Variants in ING4 observed in about 807,000 individuals in gnomAD.
ING4 encodes inhibitor of growth protein 4.
Under a neutral mutation model 33.1 loss-of-function variants are expected in ING4, and 28 were observed. That is an observed-to-expected ratio of 0.85 (90% CI 0.63 to 1.16). The LOEUF is 1.16. ING4 is among the 50% of genes most tolerant of loss of function. The probability of loss-of-function intolerance (pLI) is 0.00; values close to 1 mark genes in which losing one functional copy is unlikely to be tolerated. For synonymous variants in ING4, 87 were observed against 104.4 expected (o/e 0.83, Z 1.02); for missense variants, 247 against 314.7 (o/e 0.78, Z 1.63).
chr12:6,650,884 A>C lies in ING4; in HGVS notation c.*311T>G. On this transcript the variant is annotated 3_prime_UTR_variant, in exon 8 of 8. Transcript: ENST00000341550. ...AGTCCTTAAATACAAAGCAAGGAGAATGAAAAGGACCCTCCCTCTGAAATA... is the reference window on the plus strand; with the variant it reads ...AGTCCTTAAATACAAAGCAAGGAGACTGAAAAGGACCCTCCCTCTGAAATA... 1 of 445,320 alleles carries C rather than the reference A, an allele frequency of 2.2e-6. No individual in the cohort carries two copies. Among genetic ancestry groups the C allele is most frequent in the Non-Finnish European group, 4.1e-6 (1 of 241,508 alleles). 27.6% of individuals were successfully genotyped at this position (445,320 alleles called of 1,614,324 possible). A position where few individuals can be genotyped will look rare whatever the true frequency, so the allele number is the denominator to read the frequency against.
Position 6,652,295 on chromosome 12 carries a change from CT to C in ING4, c.620del (p.Glu207GlyfsTer2). ...CATCAGGGTTGTCACAGCCAATCAT[CT>C]CTCCATAGGAGACCTGGTGACAAAG... is the stretch of plus-strand genomic sequence containing the variant. ...YCLCHQVSYG[E>X]MIGCDNPDCS... On this transcript the variant is annotated frameshift_variant, in exon 6 of 8. Coordinates refer to ENST00000341550, the MANE Select transcript of ING4 (RefSeq NM_016162.4). LOFTEE classifies it high-confidence loss of function. 1 of 1,613,832 alleles carries C rather than the reference CT, an allele frequency of 6.2e-7. No homozygotes were observed. Among genetic ancestry groups the C allele is most frequent in the South Asian group, 1.1e-5 (1 of 91,042 alleles).
Position 6,651,099 on chromosome 12 carries a change from C to T in ING4, c.*96G>A, listed in dbSNP as rs1375457466. On this transcript the variant is annotated 3_prime_UTR_variant, in exon 8 of 8. Coordinates refer to ENST00000341550, the MANE Select transcript of ING4 (RefSeq NM_016162.4). ...GATGACAGCACTGTGCCATCCACTCCTCCCTGAACCCCTGGCCCCAGCACA... is the reference window on the plus strand; with the variant it reads ...GATGACAGCACTGTGCCATCCACTCTTCCCTGAACCCCTGGCCCCAGCACA... 1 of 1,375,010 alleles carries T rather than the reference C, an allele frequency of 7.3e-7. No homozygotes were observed. The highest frequency in any genetic ancestry group is 1.0e-6 in the Non-Finnish European group (1 of 968,590). The allele number at this position is 1,375,010 out of a possible 1,614,324, so 85.2% of individuals were successfully genotyped here. A position where few individuals can be genotyped will look rare whatever the true frequency, so the allele number is the denominator to read the frequency against.
At chr12:6,656,089 G>C (rs1190068292) in intron 2 of ING4, among the ~76,000 whole-genome samples, 1 of 152,080 alleles carries the variant, frequency 6.6e-6, no homozygotes. Flanking sequence ...AACAATGAGA[G>C]AAGTAGAAAC....
rs936656678 is a variant in ING4 at position 6,653,508 on chromosome 12, A to G, written c.110-112T>C. 6.7e-5 allele frequency: 69 copies of G among 1,031,318 alleles called. 2 individuals are homozygous for G. The Admixed American group carries it at 1.8e-3, about 26-fold the overall frequency. The allele number at this position is 1,031,318 out of a possible 1,614,324, so 63.9% of individuals were successfully genotyped here. A position where few individuals can be genotyped will look rare whatever the true frequency, so the allele number is the denominator to read the frequency against. On this transcript the variant is annotated intron_variant, in intron 2 of 7. Transcript: ENST00000341550. ...CATTGATTAGCATAACCTTCCAACT[A>G]AAAAGTACTGAATGTTCAGAGGTAC...
intron 1 of ING4, among the ~76,000 whole-genome samples, chr12:6,660,920 G>T (rs574988944): frequency 6.6e-6 from 1 of 151,878 alleles, no homozygotes; most frequent in East Asian, 1.9e-4. Context: ...AGCCTCCCAA[G>T]TAGCTGGGAT....
intron 2 of ING4, among the ~76,000 whole-genome samples, chr12:6,654,822 T>G (rs1949302646): frequency 6.6e-6 from 1 of 152,066 alleles, no homozygotes; most frequent in African/African-American, 2.4e-5. Flanking sequence ...CCTCGTGGGT[T>G]CAAGGGATTC....
chr12:6,654,906 G>A (rs1949305946), intron 2 of ING4, among the ~76,000 whole-genome samples: 1 of 151,972 alleles, frequency 6.6e-6, no homozygotes, highest in Non-Finnish European at 1.5e-5. Flanking sequence ...TGCATTTTTA[G>A]TAGAGATGTG....
chr12:6,651,496 A>C (rs1438063918), intron 6 of ING4, 111 bp from the exon 7 acceptor site: 4 of 902,162 alleles, frequency 4.4e-6, no homozygotes, highest in Non-Finnish European at 7.0e-6. Context: ...CCTTTTGGAG[A>C]ATTCTTGGAA....
At chr12:6,652,590 G>A (rs1315741456) in intron 5 of ING4, 72 bp downstream of exon 5, 10 of 1,433,692 alleles carry the variant, frequency 7.0e-6, no homozygotes, top group African/African-American at 1.4e-5. Context: ...GGCAGGGGGC[G>A]GTGCAGGCTG....
chr12:6,651,020 T>A lies in ING4; in HGVS notation c.*175A>T. ...CGTTAGTGGCTGCGGCACCCCTCCC[T>A]ACCAGGGTCTGATGCAGCCTCAGCA... On this transcript the variant is annotated 3_prime_UTR_variant, in exon 8 of 8. Coordinates refer to ENST00000341550, the MANE Select transcript of ING4 (RefSeq NM_016162.4). The A allele has an allele frequency of 2.8e-6, 2 of 708,960 alleles. No homozygotes were observed. Among genetic ancestry groups the A allele is most frequent in the Non-Finnish European group, 4.9e-6 (2 of 411,432 alleles). The allele number at this position is 708,960 out of a possible 1,614,324, so 43.9% of individuals were successfully genotyped here. A position where few individuals can be genotyped will look rare whatever the true frequency, so the allele number is the denominator to read the frequency against.
At chr12:6,655,998 G>A (rs1949340465) in intron 2 of ING4, 2 of 445,898 alleles carry the variant, frequency 4.5e-6, no homozygotes, top group Non-Finnish European at 4.5e-6. Context: ...TCTTTTTAAG[G>A]ACTTCTCATA....
Position 6,652,761 on chromosome 12 carries a change from G to A in ING4, c.398C>T (p.Thr133Ile). ...ACGAGCAGCTTTCTTCTCCTTTTGA[G>A]TCCGGCCTTCTAGGGAAGAGGGAGA... ...SSSSKGKKSRTQKEKKAARAR... is the reference protein window; with the variant it reads ...SSSSKGKKSRIQKEKKAARAR... The change falls in exon 5 of 8, where the codon ACT (threonine) becomes ATT (isoleucine). Residue 133 changes from threonine (T) to isoleucine (I), a missense_variant. Around this residue, in one of 3 missense-constraint regions of ING4, gnomAD observed 198 missense variants for 221.2 expected, o/e 0.89. Transcript: ENST00000341550. 1 of 1,614,088 alleles carries A rather than the reference G, an allele frequency of 6.2e-7. No individual in the cohort carries two copies. The highest frequency in any genetic ancestry group is 8.5e-7 in the Non-Finnish European group (1 of 1,180,002).
At chr12:6,654,524 A>G (rs971834591) in intron 2 of ING4, among the ~76,000 whole-genome samples, 2 of 151,686 alleles carry the variant, frequency 1.3e-5, no homozygotes, top group African/African-American at 4.8e-5. Context: ...TTATTTCTAG[A>G]GATGAGGTCT....
At chr12:6,661,948 A>G (rs1949568315) in intron 1 of ING4, among the ~76,000 whole-genome samples, 1 of 152,184 alleles carries the variant, frequency 6.6e-6, no homozygotes, top group Admixed American at 6.5e-5. Context: ...TTCCTCTATA[A>G]AAATCATACT....
intron 1 of ING4, among the ~76,000 whole-genome samples, chr12:6,658,988 CCT>C (rs1949460429): frequency 6.6e-6 from 1 of 152,196 alleles, no homozygotes; most frequent in Non-Finnish European, 1.5e-5. Flanking sequence ...CCACCCCATC[CCT>C]CTTGGCCTAT....
chr12:6,654,560 A>G (rs1949291882), intron 2 of ING4, among the ~76,000 whole-genome samples: 1 of 151,856 alleles, frequency 6.6e-6, no homozygotes, highest in Non-Finnish European at 1.5e-5. Context: ...GCTGGTCTTG[A>G]ACTCCTGGTC....
In ING4 at chr12:6,651,398, G is replaced by A. The variant is rs1949174257; in HGVS notation, c.646-13C>T. On this transcript the variant is annotated splice_polypyrimidine_tract_variant and intron_variant, in intron 6 of 7. Transcript: ENST00000341550. ...ACTCAATGGAACACTGGAAGAGGAA[G>A]AAAGAAGTAGTCAGGGGCCAGGAAG... 1 of 1,613,106 alleles carries A rather than the reference G, an allele frequency of 6.2e-7. No homozygotes were observed. Among genetic ancestry groups the A allele is most frequent in the African/African-American group, 1.3e-5 (1 of 75,012 alleles).
chr12:6,662,893 T>C (rs559815945), intron 1 of ING4, among the ~76,000 whole-genome samples, 172 bp downstream of exon 1: 1 of 152,142 alleles, frequency 6.6e-6, no homozygotes, highest in East Asian at 1.9e-4. Flanking sequence ...CAGCGGGGCC[T>C]CGATCCTGCT....
intron 1 of ING4, among the ~76,000 whole-genome samples, chr12:6,662,294 C>CTT (rs1328564355): frequency 2.0e-5 from 3 of 152,118 alleles, no homozygotes; most frequent in Non-Finnish European, 4.4e-5. Context: ...ACCAAGTGTC[C>CTT]TTTTTAATGT....
Sources: gnomAD v4.1 joint callset for allele counts (sites outside exome capture counted in the v4.1 genomes callset) on GRCh38, gnomAD v4.1.1 for gene constraint, gnomAD v4.1.1 regional missense constraint, MANE v1.5 for transcripts, NCBI Gene and HGNC (gene_info 2026-07-23, HGNC 2026-07-21) for gene names.